FBLN1: variants seen among roughly 807,000 people sequenced by gnomAD.
FBLN1 encodes fibulin 1.
In FBLN1, 34 loss-of-function variants were observed where a neutral mutation model predicts 89.7. The observed-to-expected ratio is 0.38, with a 90% confidence interval of 0.29 to 0.50. The LOEUF is 0.50. Ranked by LOEUF, FBLN1 falls within the 20% of genes least tolerant of loss-of-function variation. The pLI, the probability that FBLN1 is intolerant of heterozygous loss-of-function variation, is 0.92. For missense variants in FBLN1, 777 were observed against 988.1 expected, an observed-to-expected ratio of 0.79 and a Z score of 2.86; for synonymous variants, 393 against 391.3, an observed-to-expected ratio of 1.00 and a Z score of -0.05.
In FBLN1 at chr22:45,549,872, C is replaced by G. The variant is rs2088679327; in HGVS notation, c.1574-620C>G. ...CCAGACCTGGTGGTTCCAGTCCACCCTGAACAGCCACCAACCCCAACACAC... is the reference window on the plus strand; with the variant it reads ...CCAGACCTGGTGGTTCCAGTCCACCGTGAACAGCCACCAACCCCAACACAC... On this transcript the variant is annotated intron_variant, in intron 13 of 16. Coordinates refer to ENST00000327858, the MANE Select transcript of FBLN1 (RefSeq NM_006486.3). This position sits in a 1 kb window ranked among gnomAD's most constrained non-coding sequence, Gnocchi z 5.7. Among the ~76,000 whole-genome samples the G allele has an allele frequency of 6.6e-6, 1 of 152,188 alleles. No individual in the cohort carries two copies. The highest frequency in any genetic ancestry group is 1.5e-5 in the Non-Finnish European group (1 of 68,034).
At chr22:45,573,680 CAAAAAAAAA>C (rs60082908) in intron 14 of FBLN1, among the ~76,000 whole-genome samples, 2 of 58,942 alleles carry the variant, frequency 3.4e-5, no homozygotes, top group African/African-American at 7.8e-5. Context: ...GACTCTGTCT[CAAAAAAAAA>C]AAAAAAAAAA....
rs1569257402 is a variant in FBLN1, at chr22:45,562,043, C to T, written c.1697+11428C>T. 6.6e-6 allele frequency among the ~76,000 whole-genome samples: 1 copy of T among 152,184 alleles called. No individual in the cohort carries two copies. The highest frequency in any genetic ancestry group is 2.1e-4 in the South Asian group (1 of 4,826). On this transcript the variant is annotated intron_variant, in intron 14 of 16. Transcript: ENST00000327858. This position sits in a 1 kb window ranked among gnomAD's most constrained non-coding sequence, Gnocchi z 7.8. ...TGACTCAAATGTGACTCTCTTTTGGCAACACCCTCACAGACACACCCAGGA... is the reference window on the plus strand; with the variant it reads ...TGACTCAAATGTGACTCTCTTTTGGTAACACCCTCACAGACACACCCAGGA...
In FBLN1 at chr22:45,557,246, GA is replaced by G. The variant is rs1285922079; in HGVS notation, c.1697+6633del. On this transcript the variant is annotated intron_variant, in intron 14 of 16. Coordinates refer to ENST00000327858, the MANE Select transcript of FBLN1 (RefSeq NM_006486.3). This position sits in a 1 kb window ranked among gnomAD's most constrained non-coding sequence, Gnocchi z 4.9. ...CATGAGGGTGGATAAGGCATTCTGT[GA>G]ACCCACGGATGGTAGTCTTGGCAGA... Among the ~76,000 whole-genome samples, 1 of 152,164 alleles carries G rather than the reference GA, an allele frequency of 6.6e-6. No individual in the cohort carries two copies. Among genetic ancestry groups the G allele is most frequent in the Non-Finnish European group, 1.5e-5 (1 of 68,036 alleles).
Position 45,562,986 on chromosome 22 carries a change from T to G in FBLN1, c.1698-11525T>G. The G allele has an allele frequency of 1.4e-5, 23 of 1,613,486 alleles. No homozygotes were observed. The highest frequency in any genetic ancestry group is 1.9e-5 in the Non-Finnish European group (23 of 1,179,896). On this transcript the variant is annotated intron_variant, in intron 14 of 16. Transcript: ENST00000327858. This position sits in a 1 kb window ranked among gnomAD's most constrained non-coding sequence, Gnocchi z 7.8. ...CCTCTGAGAATAACCTACTACCACC[T>G]CTCTTTCCCCACCAACATCCAAGCG...
intron 16 of FBLN1, among the ~76,000 whole-genome samples, chr22:45,595,540 C>T (rs1187836446): frequency 1.3e-5 from 2 of 152,110 alleles, no homozygotes; most frequent in Non-Finnish European, 2.9e-5. Flanking sequence ...GCTCGTCTCA[C>T]CACGCAGCTG....
At chr22:45,534,452 C>T (rs77097871) in intron 7 of FBLN1, among the ~76,000 whole-genome samples, 2 of 152,352 alleles carry the variant, frequency 1.3e-5, no homozygotes, top group Non-Finnish European at 2.9e-5. Context: ...CAGCCTTTCC[C>T]CGCCAAGCCT....
chr22:45,533,346 T>G (rs1378035760), intron 6 of FBLN1, among the ~76,000 whole-genome samples, 182 bp downstream of exon 6: 5 of 152,218 alleles, frequency 3.3e-5, no homozygotes, highest in African/African-American at 4.8e-5. Context: ...CTGCCGAGAC[T>G]TCCCTCCAAG....
chr22:45,566,677 T>G (rs1430737130), intron 14 of FBLN1, among the ~76,000 whole-genome samples: 2 of 152,042 alleles, frequency 1.3e-5, no homozygotes, highest in Non-Finnish European at 2.9e-5. Context: ...TAGGTGTGAG[T>G]GTGGGTTTCT....
At chr22:45,596,150 T>C (rs1375953514) in intron 16 of FBLN1, among the ~76,000 whole-genome samples, 6 of 152,248 alleles carry the variant, frequency 3.9e-5, no homozygotes, top group Non-Finnish European at 7.3e-5. Context: ...ATCACAGGCG[T>C]GAGCCACTAC....
chr22:45,541,696 C>A (rs1424384949), intron 9 of FBLN1, among the ~76,000 whole-genome samples: 1 of 152,236 alleles, frequency 6.6e-6, no homozygotes, highest in East Asian at 1.9e-4. Context: ...TGGCCCAACT[C>A]CACAAACCTT....
Position 45,556,049 on chromosome 22 carries a change from G to A in FBLN1, c.1697+5434G>A, listed in dbSNP as rs1011197452. 1.3e-5 allele frequency among the ~76,000 whole-genome samples: 2 copies of A among 152,196 alleles called. No homozygotes were observed. The highest frequency in any genetic ancestry group is 1.3e-4 in the Admixed American group (2 of 15,278). On this transcript the variant is annotated intron_variant, in intron 14 of 16. Transcript: ENST00000327858. This position sits in a 1 kb window ranked among gnomAD's most constrained non-coding sequence, Gnocchi z 4.6. ...CTCCCTCTGTTGCCGAGGCTGAAGT[G>A]TGGTGGTGTGATTTTGTCTCACCGC... is the stretch of plus-strand genomic sequence containing the variant.
intron 16 of FBLN1, among the ~76,000 whole-genome samples, chr22:45,594,235 G>A (rs746351972): frequency 1.3e-5 from 2 of 152,178 alleles, no homozygotes; most frequent in Non-Finnish European, 2.9e-5. Context: ...AGAGAAGTTG[G>A]TGGTGGTTCT....
chr22:45,510,313 T>A (rs185611466), intron 1 of FBLN1, among the ~76,000 whole-genome samples: 1 of 152,178 alleles, frequency 6.6e-6, no homozygotes, highest in Non-Finnish European at 1.5e-5. Flanking sequence ...CCCTATTTTG[T>A]TGCAACCCAG....
chr22:45,505,282 G>C (rs2088003461), intron 1 of FBLN1, among the ~76,000 whole-genome samples: 1 of 152,214 alleles, frequency 6.6e-6, no homozygotes, highest in Admixed American at 6.5e-5. Flanking sequence ...CAGCGTTTCC[G>C]ACTGATTAAA....
intron 16 of FBLN1, among the ~76,000 whole-genome samples, chr22:45,599,874 G>T (rs537654097): frequency 6.6e-6 from 1 of 152,168 alleles, no homozygotes; most frequent in Non-Finnish European, 1.5e-5. Context: ...CCGAGATCAC[G>T]CCATTGCACT....
chr22:45,564,848 T>A, intron 14 of FBLN1: 2 of 1,612,804 alleles, frequency 1.2e-6, no homozygotes, highest in Non-Finnish European at 1.7e-6. Flanking sequence ...CACTAGCATT[T>A]CTGTGGCTGT....
At position 45,518,726 on chromosome 22, in the gene FBLN1, C is replaced by A; in HGVS notation, c.124C>A (p.Arg42=). Reference sequence around the variant, plus strand: ...GGAGGCCTGCTGTGCGGACGGACACCGGATGGCCACTCATCAGAAGGACTG... The same window carrying A: ...GGAGGCCTGCTGTGCGGACGGACACAGGATGGCCACTCATCAGAAGGACTG... The part of the protein sequence containing the change: ...LLEACCADGH[R]MATHQKDCSL... Residue 42 remains arginine, a synonymous_variant, in exon 2 of 17, where the codon CGG becomes AGG. Coordinates refer to ENST00000327858, the MANE Select transcript of FBLN1 (RefSeq NM_006486.3). 1 of 1,612,034 alleles carries A rather than the reference C, an allele frequency of 6.2e-7. No individual in the cohort carries two copies. Among genetic ancestry groups the A allele is most frequent in the East Asian group, 2.2e-5 (1 of 44,804 alleles).
rs2089015229 is a variant in FBLN1, at chr22:45,578,318, T to G, written c.1972+1210T>G. The G allele has an allele frequency of 6.6e-6, 1 of 152,248 alleles. No individual in the cohort carries two copies. Among genetic ancestry groups the G allele is most frequent in the South Asian group, 2.1e-4 (1 of 4,832 alleles). The allele number at this position is 152,248 out of a possible 1,614,324, so 9.4% of individuals were successfully genotyped here. On this transcript the variant is annotated intron_variant, in intron 16 of 16. Coordinates refer to ENST00000327858, the MANE Select transcript of FBLN1 (RefSeq NM_006486.3). The surrounding 1 kb of genome is among the most constrained non-coding windows in gnomAD (Gnocchi z 4.6). ...CATTTATAGCACCTTTACAAGCTTT[T>G]AAATGGGTTTGCATGTTGTAAACAT...
In FBLN1 at chr22:45,574,353, C is replaced by T. The variant is rs1324743454; in HGVS notation, c.1698-158C>T. ...AGGGCCATGAAGCCTCCCCACAGAG[C>T]AGCCAGGCTGCAGAGACCACTGTCG... On this transcript the variant is annotated intron_variant, in intron 14 of 16. Transcript: ENST00000327858. The surrounding 1 kb of genome is among the most constrained non-coding windows in gnomAD (Gnocchi z 4.1). Among the ~76,000 whole-genome samples, 1 of 152,236 alleles carries T rather than the reference C, an allele frequency of 6.6e-6. No homozygotes were observed. The highest frequency in any genetic ancestry group is 1.5e-5 in the Non-Finnish European group (1 of 68,038).
Sources: gnomAD v4.1 joint callset for allele counts (sites outside exome capture counted in the v4.1 genomes callset) on GRCh38, gnomAD v4.1.1 for gene constraint, Gnocchi (gnomAD v3.1) non-coding constraint, MANE v1.5 for transcripts, NCBI Gene and HGNC (gene_info 2026-07-23, HGNC 2026-07-21) for gene names.